CIBAR1: variants seen among roughly 807,000 people sequenced by gnomAD.
The protein encoded by CIBAR1 is CBY1-interacting BAR domain-containing protein 1.
A neutral mutation model predicts 44.0 loss-of-function variants in CIBAR1; 25 were observed. That is an observed-to-expected ratio of 0.57 (90% CI 0.41 to 0.79). CIBAR1 has a LOEUF of 0.79. Ranked by LOEUF, CIBAR1 falls within the 30% of genes least tolerant of loss-of-function variation. The pLI, the probability that CIBAR1 is intolerant of heterozygous loss-of-function variation, is 0.00. For missense variants in CIBAR1, 278 were observed against 344.8 expected (o/e 0.81, Z 1.53); for synonymous variants, 115 against 119.0 (o/e 0.97, Z 0.22).
intron 4 of CIBAR1, chr8:93,705,425 A>G (rs1810540591): frequency 5.9e-6 from 1 of 170,124 alleles, no homozygotes; most frequent in Non-Finnish European, 1.2e-5. Flanking sequence ...CATCTTTTAG[A>G]AATAAAACAA....
intron 2 of CIBAR1, 63 bp from the exon 3 acceptor site, chr8:93,703,557 G>T (rs909048801): frequency 3.2e-6 from 3 of 949,670 alleles, no homozygotes; most frequent in Non-Finnish European, 1.6e-6. Context: ...CTAGTGATTA[G>T]CCTTTTATTT....
At chr8:93,701,166 G>C in intron 1 of CIBAR1, 58 bp from the exon 2 acceptor site, 1 of 1,559,266 alleles carries the variant, frequency 6.4e-7, no homozygotes, top group Non-Finnish European at 8.7e-7. Context: ...TTAAATTAAC[G>C]TGAAGCCTTC....
In CIBAR1 at chr8:93,726,529, TA is replaced by T. The variant is rs1563652624; in HGVS notation, c.777+17del. 3 of 1,612,460 alleles carry T rather than the reference TA, an allele frequency of 1.9e-6. No homozygotes were observed. The highest frequency in any genetic ancestry group is 1.7e-5 in the Admixed American group (1 of 59,826). Reference sequence around the variant, plus strand: ...AACAGGACAGGTGAGCAAGAAACCGTACTCTAAAGGAATTTGAGCTGCTGCC... The same window carrying T: ...AACAGGACAGGTGAGCAAGAAACCGTCTCTAAAGGAATTTGAGCTGCTGCC... On this transcript the variant is annotated intron_variant, in intron 8 of 8. Transcript: ENST00000518322.
chr8:93,707,398 G>C (rs2130301730), intron 4 of CIBAR1: 1 of 203,670 alleles, frequency 4.9e-6, no homozygotes, highest in East Asian at 1.5e-4. Context: ...GTTTCCCCAT[G>C]CTTCCCTGAT....
At chr8:93,721,650 T>A (rs2130367291) in intron 7 of CIBAR1, among the ~76,000 whole-genome samples, 1 of 152,228 alleles carries the variant, frequency 6.6e-6, no homozygotes, top group East Asian at 1.9e-4. Context: ...ATATAGTGTT[T>A]GTTCAACAAC....
At position 93,726,296 on chromosome 8, in the gene CIBAR1, T is replaced by A. The variant is rs1161028850; in HGVS notation, c.658-98T>A. On this transcript the variant is annotated intron_variant, in intron 7 of 8. Coordinates refer to ENST00000518322, the MANE Select transcript of CIBAR1 (RefSeq NM_145269.5). ...TGGAATTTTGTCCATTTGGGGGGAG[T>A]TGTTTTTTTAAAAAAAAATCTTAAC... 21 of 1,085,068 alleles carry A rather than the reference T, an allele frequency of 1.9e-5. No individual in the cohort carries two copies. In the East Asian group the frequency reaches 5.7e-4, roughly 29 times the overall value. 67.2% of individuals were successfully genotyped at this position (1,085,068 alleles called of 1,614,324 possible). A position where few individuals can be genotyped will look rare whatever the true frequency, so the allele number is the denominator to read the frequency against.
At chr8:93,707,503 A>G (rs1810645414) in intron 4 of CIBAR1, among the ~76,000 whole-genome samples, 1 of 152,256 alleles carries the variant, frequency 6.6e-6, no homozygotes, top group South Asian at 2.1e-4. Flanking sequence ...AGTCACAAGT[A>G]AAAAGCTGCA....
intron 3 of CIBAR1, 131 bp downstream of exon 3, chr8:93,703,819 C>T (rs1810467511): frequency 3.0e-6 from 2 of 665,932 alleles, no homozygotes; most frequent in South Asian, 2.9e-5. Flanking sequence ...AATCCCAACA[C>T]TTTGGGAGGT....
At chr8:93,727,116 T>C in intron 8 of CIBAR1, 1 of 969,030 alleles carries the variant, frequency 1.0e-6, no homozygotes, top group Non-Finnish European at 1.4e-6. Flanking sequence ...AATAAAATTC[T>C]ATTTACAAAA....
intron 4 of CIBAR1, among the ~76,000 whole-genome samples, chr8:93,707,792 AAC>A (rs1221002300): frequency 6.6e-6 from 1 of 152,184 alleles, no homozygotes; most frequent in Admixed American, 6.5e-5. Flanking sequence ...TGTATATACA[AAC>A]ACAGAGAGGT....
intron 2 of CIBAR1, chr8:93,702,030 C>A (rs544579796): frequency 9.3e-5 from 21 of 225,350 alleles, no homozygotes; most frequent in African/African-American, 4.7e-4. Flanking sequence ...TGATTGTTTT[C>A]TTTCTAAAAG....
At chr8:93,703,118 C>T (rs980272475) in intron 2 of CIBAR1, among the ~76,000 whole-genome samples, 5 of 151,994 alleles carry the variant, frequency 3.3e-5, no homozygotes, top group Non-Finnish European at 7.4e-5. Context: ...CTGTAGGCTT[C>T]GATAATTCAC....
intron 7 of CIBAR1, chr8:93,726,080 C>G (rs1234788127): frequency 9.0e-6 from 2 of 222,734 alleles, no homozygotes; most frequent in Non-Finnish European, 1.8e-5. Context: ...TGAGTCGCAG[C>G]CTCCCTACTA....
chr8:93,722,305 G>A (rs913851585), intron 7 of CIBAR1, among the ~76,000 whole-genome samples: 1 of 152,242 alleles, frequency 6.6e-6, no homozygotes, highest in Non-Finnish European at 1.5e-5. Context: ...GATAGTCCAT[G>A]CTTTGTAAGA....
Position 93,700,657 on chromosome 8 carries a change from C to T in CIBAR1, c.10C>T (p.Arg4Cys), listed in dbSNP as rs2130259340. 1.3e-6 allele frequency: 2 copies of T among 1,503,804 alleles called. No homozygotes were observed. The highest frequency in any genetic ancestry group is 2.9e-5 in the East Asian group (1 of 34,494). The allele number at this position is 1,503,804 out of a possible 1,614,324, so 93.2% of individuals were successfully genotyped here. ...CCGTGCGCGAGGCAGCATGATGAGG[C>T]GCACCCTGGAAAACCGGTAACAGCC... MMR[R>C]TLENRNAQTK... Residue 4 changes from arginine to cysteine, a missense_variant, in exon 1 of 9, where the codon CGC becomes TGC. By Grantham distance (180) the Arg-to-Cys change is radical (BLOSUM62 -3). Around this residue, in one of 3 missense-constraint regions of CIBAR1, gnomAD observed 183 missense variants for 218.6 expected, o/e 0.84. Transcript: ENST00000518322.
chr8:93,704,498 C>T (rs777700803), intron 3 of CIBAR1, among the ~76,000 whole-genome samples: 1 of 152,140 alleles, frequency 6.6e-6, no homozygotes, highest in Non-Finnish European at 1.5e-5. Flanking sequence ...GCTAGCTCGC[C>T]CACCACTCAC....
Position 93,727,217 on chromosome 8 carries a change from A to G in CIBAR1, c.777+704A>G, listed in dbSNP as rs568209831. ...TAGCCTTCAGAATATAAAATTCAAC[A>G]AACTTATTTTCAAGATACAACTTTT... is the stretch of plus-strand genomic sequence containing the variant. On this transcript the variant is annotated intron_variant, in intron 8 of 8. Transcript: ENST00000518322. 6 of 1,279,058 alleles carry G rather than the reference A, an allele frequency of 4.7e-6. No individual in the cohort carries two copies. In the East Asian group the frequency reaches 2.8e-4, roughly 59 times the overall value. The allele number at this position is 1,279,058 out of a possible 1,614,324, so 79.2% of individuals were successfully genotyped here. A position where few individuals can be genotyped will look rare whatever the true frequency, so the allele number is the denominator to read the frequency against.
chr8:93,709,519 G>A (rs1336855417), intron 5 of CIBAR1, among the ~76,000 whole-genome samples: 2 of 152,074 alleles, frequency 1.3e-5, no homozygotes, highest in Non-Finnish European at 2.9e-5. Context: ...AGACAGAAAG[G>A]GAAGGATTTG....
chr8:93,727,255 T>C, intron 8 of CIBAR1: 3 of 1,151,842 alleles, frequency 2.6e-6, no homozygotes, highest in Non-Finnish European at 3.4e-6. Flanking sequence ...GTAAATTTGA[T>C]ACCATACTTT....
Sources: allele counts gnomAD v4.1 joint callset (sites outside exome capture counted in the v4.1 genomes callset), GRCh38; gene constraint gnomAD v4.1.1; regional missense constraint gnomAD v4.1.1; transcripts MANE v1.5; gene names NCBI Gene and HGNC (gene_info 2026-07-23, HGNC 2026-07-21).